The following B4GALNT1 variants were observed in gnomAD, a reference collection of about 807,000 sequenced individuals.
B4GALNT1 encodes the protein beta-1,4-N-acetyl-galactosaminyltransferase 1.
In B4GALNT1, 43 loss-of-function variants were observed where a neutral mutation model predicts 55.2. The observed-to-expected ratio is 0.78, with a 90% CI of 0.61 to 1.00. The LOEUF is 1.00. Among genes scored for constraint, B4GALNT1 ranks in the 50% least tolerant of loss-of-function variants. B4GALNT1 has a pLI of 0.00. For synonymous variants in B4GALNT1, 305 were observed against 311.6 expected (o/e 0.98, Z 0.22); for missense variants, 664 against 729.7 (o/e 0.91, Z 1.04).
chr12:57,628,837 C>A lies in B4GALNT1; in HGVS notation c.878G>T (p.Arg293Leu). Residue 293 changes from arginine to leucine, a missense_variant, in exon 8 of 11, where the codon CGG becomes CTG. Arg to Leu is a moderately radical substitution (Grantham distance 102). Transcript: ENST00000341156. ...TKTFLRYDRL[R>L]ALITSIRRFY... ...GCGGCGGATACTGGTGATGAGAGCC[C>A]GTAGCCGATCATAACGGAGGAAGGT... 1.2e-6 allele frequency: 2 copies of A among 1,614,146 alleles called. No homozygotes were observed. Among genetic ancestry groups the A allele is most frequent in the South Asian group, 1.1e-5 (1 of 91,064 alleles).
Position 57,626,645 on chromosome 12 carries a change from GC to G in B4GALNT1, c.*98del. 1 of 1,359,286 alleles carries G rather than the reference GC, an allele frequency of 7.4e-7. No individual in the cohort carries two copies. Among genetic ancestry groups the G allele is most frequent in the Non-Finnish European group, 1.0e-6 (1 of 962,664 alleles). The allele number at this position is 1,359,286 out of a possible 1,614,324, so 84.2% of individuals were successfully genotyped here. A position where few individuals can be genotyped will look rare whatever the true frequency, so the allele number is the denominator to read the frequency against. ...GTGAGGAACTAGAGGCTCAGGGACA[GC>G]CAGTAGAGTGCTCACAGGGTGGTGG... On this transcript the variant is annotated 3_prime_UTR_variant, in exon 11 of 11. Transcript: ENST00000341156.
chr12:57,625,456 A>T lies in B4GALNT1; in HGVS notation c.*1288T>A. On this transcript the variant is annotated 3_prime_UTR_variant, in exon 11 of 11. Coordinates refer to ENST00000341156, the MANE Select transcript of B4GALNT1 (RefSeq NM_001478.5). Reference sequence around the variant, plus strand: ...GCTAGGATCCGCCTCCTCCTGGCTCAGTGTAATGGTGAGATGTGTGGAGAA... The same window carrying T: ...GCTAGGATCCGCCTCCTCCTGGCTCTGTGTAATGGTGAGATGTGTGGAGAA... 6.2e-7 allele frequency: 1 copy of T among 1,614,142 alleles called. No individual in the cohort carries two copies. Among genetic ancestry groups the T allele is most frequent in the East Asian group, 2.2e-5 (1 of 44,880 alleles).
intron 8 of B4GALNT1, 145 bp from the exon 9 acceptor site, chr12:57,628,407 A>G: frequency 8.2e-7 from 1 of 1,215,792 alleles, no homozygotes; most frequent in Non-Finnish European, 1.1e-6. Context: ...GCTAGGTAAA[A>G]GAAATGCAGA....
rs2140252339 is a variant in B4GALNT1, at chr12:57,631,347, T to C, written c.236A>G (p.Asn79Ser). 1 of 1,613,950 alleles carries C rather than the reference T, an allele frequency of 6.2e-7. No individual in the cohort carries two copies. ...CCCCCCACTGGACTCACAACTGCAG[T>C]TGTTCCAAGCCAGCAGCCTGAAGGG... ...EQVVGLLAWN[N>S]CSCESSGGGL... is the part of the protein sequence containing the mutation. The change falls in exon 3 of 11, where the codon AAC becomes AGC. Residue 79 changes from asparagine to serine, a missense_variant. By Grantham distance (46) the Asn-to-Ser change is conservative (BLOSUM62 1). Transcript: ENST00000341156.
Position 57,624,478 on chromosome 12 carries a change from C to T in B4GALNT1, c.*2266G>A, listed in dbSNP as rs754411176. On this transcript the variant is annotated 3_prime_UTR_variant, in exon 11 of 11. Coordinates refer to ENST00000341156, the MANE Select transcript of B4GALNT1 (RefSeq NM_001478.5). ...GGCCTGGCTTTTCTTTTGGGCAATC[C>T]ACCCCTATCCCTATCCTGCAGGCTG... The T allele has an allele frequency of 1.6e-6, 1 of 612,294 alleles. No individual in the cohort carries two copies. Among genetic ancestry groups the T allele is most frequent in the African/African-American group, 1.8e-5 (1 of 55,340 alleles). 37.9% of individuals were successfully genotyped at this position (612,294 alleles called of 1,614,324 possible). A position where few individuals can be genotyped will look rare whatever the true frequency, so the allele number is the denominator to read the frequency against.
chr12:57,627,984 C>G, intron 9 of B4GALNT1, 126 bp from the exon 10 acceptor site: 2 of 1,479,684 alleles, frequency 1.4e-6, no homozygotes. Context: ...CCCTGCAGGA[C>G]CCAGACAGTT....
In B4GALNT1 at chr12:57,631,305, AAGGGG is replaced by A; in HGVS notation, c.273_277del (p.Phe93GlufsTer7). 6.2e-7 allele frequency: 1 copy of A among 1,613,990 alleles called. No individual in the cohort carries two copies. Among genetic ancestry groups the A allele is most frequent in the Non-Finnish European group, 8.5e-7 (1 of 1,179,962 alleles). On this transcript the variant is annotated frameshift_variant, in exon 3 of 11. Coordinates refer to ENST00000341156, the MANE Select transcript of B4GALNT1 (RefSeq NM_001478.5). LOFTEE classifies it high-confidence loss of function. The stretch of plus-strand genomic sequence containing the variant: ...GTCAATAGCTCGGACTTGTTTCTGG[AAGGGG>A]AGGGGGAGGCCCCCCCCACTGGACT...
At position 57,631,938 on chromosome 12, in the gene B4GALNT1, G is replaced by C; in HGVS notation, c.195C>G (p.Val65=). ...ACCCCACTACTTGCTCCTTGATCCT[G>C]ACCGGGATGTGTGCGTAGCGGGGCT... ...APEPRYAHIP[V]RIKEQVVGLL... is the part of the protein sequence containing the mutation. Residue 65 remains valine, a synonymous_variant, in exon 2 of 11, where the codon GTC becomes GTG. Coordinates refer to ENST00000341156, the MANE Select transcript of B4GALNT1 (RefSeq NM_001478.5). The C allele has an allele frequency of 6.9e-7, 1 of 1,445,210 alleles. No homozygotes were observed. The highest frequency in any genetic ancestry group is 9.1e-7 in the Non-Finnish European group (1 of 1,098,956). The allele number at this position is 1,445,210 out of a possible 1,614,324, so 89.5% of individuals were successfully genotyped here.
At position 57,624,207 on chromosome 12, in the gene B4GALNT1, C is replaced by A; in HGVS notation, c.*2537G>T. On this transcript the variant is annotated 3_prime_UTR_variant, in exon 11 of 11. Coordinates refer to ENST00000341156, the MANE Select transcript of B4GALNT1 (RefSeq NM_001478.5). Reference sequence around the variant, plus strand: ...CTGGTCTTAAGTTCTGCAACCCACCCACTCCCCCAGCAAACATAACTCCTA... The same window carrying A: ...CTGGTCTTAAGTTCTGCAACCCACCAACTCCCCCAGCAAACATAACTCCTA... 2.0e-6 allele frequency: 2 copies of A among 1,011,596 alleles called. No homozygotes were observed. The highest frequency in any genetic ancestry group is 1.5e-6 in the Non-Finnish European group (1 of 674,522). 62.7% of individuals were successfully genotyped at this position (1,011,596 alleles called of 1,614,324 possible).
In B4GALNT1 at chr12:57,623,896, T is replaced by C; in HGVS notation, c.*2848A>G. 1 of 1,614,068 alleles carries C rather than the reference T, an allele frequency of 6.2e-7. No homozygotes were observed. The highest frequency in any genetic ancestry group is 1.6e-4 in the Middle Eastern group (1 of 6,062). On this transcript the variant is annotated 3_prime_UTR_variant, in exon 11 of 11. Coordinates refer to ENST00000341156, the MANE Select transcript of B4GALNT1 (RefSeq NM_001478.5). ...GGTGCTGCTGTGGCTGGGGCCCTTC[T>C]TTTACTATCTGCCCAAGGTAATGAG... is the stretch of plus-strand genomic sequence containing the variant.
At chr12:57,632,430 G>C in intron 1 of B4GALNT1, 1 of 509,600 alleles carries the variant, frequency 2.0e-6, no homozygotes, top group Non-Finnish European at 3.6e-6. Context: ...CCGCGGTTTC[G>C]ACGCGGCCGT....
chr12:57,624,012 G>C lies in B4GALNT1; in HGVS notation c.*2732C>G, dbSNP rs755293464. 6.2e-7 allele frequency: 1 copy of C among 1,611,756 alleles called. No homozygotes were observed. Among genetic ancestry groups the C allele is most frequent in the South Asian group, 1.1e-5 (1 of 90,774 alleles). ...CCTCCTCTGCCTCAAGGCTGTCCTG[G>C]CTTGCATCAACATCTCCAGCATGCG... On this transcript the variant is annotated 3_prime_UTR_variant, in exon 11 of 11. Coordinates refer to ENST00000341156, the MANE Select transcript of B4GALNT1 (RefSeq NM_001478.5).
chr12:57,624,286 G>C lies in B4GALNT1; in HGVS notation c.*2458C>G. 1 of 641,604 alleles carries C rather than the reference G, an allele frequency of 1.6e-6. No homozygotes were observed. The highest frequency in any genetic ancestry group is 2.7e-5 in the East Asian group (1 of 36,548). 39.7% of individuals were successfully genotyped at this position (641,604 alleles called of 1,614,324 possible). A position where few individuals can be genotyped will look rare whatever the true frequency, so the allele number is the denominator to read the frequency against. Reference sequence around the variant, plus strand: ...GATGGGGTTTGAACCCCTTTGGCCTGAATATTTGTAACTTCCCAACTGGTG... The same window carrying C: ...GATGGGGTTTGAACCCCTTTGGCCTCAATATTTGTAACTTCCCAACTGGTG... On this transcript the variant is annotated 3_prime_UTR_variant, in exon 11 of 11. Transcript: ENST00000341156.
intron 4 of B4GALNT1, 114 bp downstream of exon 4, chr12:57,630,866 T>A: frequency 1.9e-6 from 2 of 1,037,782 alleles, no homozygotes; most frequent in Non-Finnish European, 2.9e-6. Context: ...AAGTCCCCCA[T>A]TCATCAGAGG....
In B4GALNT1 at chr12:57,631,855, CAAAA is replaced by C. The variant is rs1423505456; in HGVS notation, c.218+56_218+59del. On this transcript the variant is annotated intron_variant, in intron 2 of 10. Transcript: ENST00000341156. ...CATCTGAGCCCAGCAGTGGAGAAAA[CAAAA>C]GCCCCCAGACCACCCCCAGCGAGCG... 150 of 1,338,586 alleles carry C rather than the reference CAAAA, an allele frequency of 1.1e-4. 2 individuals carry two copies. The East Asian group carries it at 4.0e-3, about 35-fold the overall frequency. The allele number at this position is 1,338,586 out of a possible 1,614,324, so 82.9% of individuals were successfully genotyped here.
At chr12:57,632,463 C>T in intron 1 of B4GALNT1, 1 of 440,850 alleles carries the variant, frequency 2.3e-6, no homozygotes, top group South Asian at 2.2e-5. Flanking sequence ...AAGCCCCGCT[C>T]TATCAGGGCA....
intron 6 of B4GALNT1, chr12:57,629,546 TA>T (rs1183556949): frequency 2.8e-5 from 10 of 362,788 alleles, no homozygotes; most frequent in African/African-American, 1.9e-4. Flanking sequence ...GGTGCCAGGC[TA>T]AGTAAATTAA....
rs1218566160 is a variant in B4GALNT1, at chr12:57,633,057, C to G, written c.-287G>C. ...GTTAAGAGTCTGTTGCACCCCAGCC[C>G]CGGGGCAAAGCCGGGGATCCCTGGC... On this transcript the variant is annotated 5_prime_UTR_variant, in exon 1 of 11. Transcript: ENST00000341156. 6.6e-6 allele frequency: 1 copy of G among 152,254 alleles called. No individual in the cohort carries two copies. Among genetic ancestry groups the G allele is most frequent in the Non-Finnish European group, 1.5e-5 (1 of 68,094 alleles). The allele number at this position is 152,254 out of a possible 1,614,324, so 9.4% of individuals were successfully genotyped here. A position where few individuals can be genotyped will look rare whatever the true frequency, so the allele number is the denominator to read the frequency against.
At position 57,624,311 on chromosome 12, in the gene B4GALNT1, G is replaced by A. The variant is rs1246743229; in HGVS notation, c.*2433C>T. 2 of 628,914 alleles carry A rather than the reference G, an allele frequency of 3.2e-6. No homozygotes were observed. The highest frequency in any genetic ancestry group is 2.8e-5 in the East Asian group (1 of 36,216). 39.0% of individuals were successfully genotyped at this position (628,914 alleles called of 1,614,324 possible). A position where few individuals can be genotyped will look rare whatever the true frequency, so the allele number is the denominator to read the frequency against. On this transcript the variant is annotated 3_prime_UTR_variant, in exon 11 of 11. Transcript: ENST00000341156. ...GAATATTTGTAACTTCCCAACTGGTGCGGGTCATTACATTTGGTGTGTGTC... is the reference window on the plus strand; with the variant it reads ...GAATATTTGTAACTTCCCAACTGGTACGGGTCATTACATTTGGTGTGTGTC...
Sources: allele counts gnomAD v4.1 joint callset, GRCh38; gene constraint gnomAD v4.1.1; transcripts MANE v1.5; gene names NCBI Gene and HGNC (gene_info 2026-07-23, HGNC 2026-07-21).